Variants in PPME1 observed in about 807,000 individuals in gnomAD.
PPME1 encodes the protein protein phosphatase methylesterase 1.
In PPME1, 17 loss-of-function variants were observed where a neutral mutation model predicts 56.9. That is an observed-to-expected ratio of 0.30 (90% CI 0.20 to 0.45). The LOEUF (loss-of-function observed/expected upper bound fraction) is 0.45. Ranked by LOEUF, PPME1 falls within the 20% of genes least tolerant of loss-of-function variation. PPME1 has a pLI of 1.00. For synonymous variants in PPME1, 122 were observed against 156.2 expected, an observed-to-expected ratio of 0.78 and a Z score of 1.63; for missense variants, 357 against 483.2, an observed-to-expected ratio of 0.74 and a Z score of 2.45.
intron 12 of PPME1, 31 bp downstream of exon 12, chr11:74,251,049 A>T: frequency 6.4e-7 from 1 of 1,569,726 alleles, no homozygotes; most frequent in Non-Finnish European, 8.6e-7. Flanking sequence ...CTGTAAAAGG[A>T]CAACTGTGAG....
chr11:74,200,711 G>A (rs1858139395), intron 1 of PPME1, among the ~76,000 whole-genome samples: 1 of 152,004 alleles, frequency 6.6e-6, no homozygotes, highest in Non-Finnish European at 1.5e-5. Context: ...AAGGTGTTAG[G>A]GGTGTGCTAG....
At chr11:74,249,245 AGCTTT>A (rs1859590414) in intron 11 of PPME1, 1 of 152,232 alleles carries the variant, frequency 6.6e-6, no homozygotes, top group Admixed American at 6.5e-5. Flanking sequence ...TCCAAACCAC[AGCTTT>A]GCCAGCACTG....
intron 11 of PPME1, chr11:74,249,503 C>T (rs193066898): frequency 6.6e-6 from 1 of 152,340 alleles, no homozygotes; most frequent in Non-Finnish European, 1.5e-5. Context: ...TATACCTACT[C>T]TTCCAAAGAG....
In PPME1 at chr11:74,239,182, A is replaced by T; in HGVS notation, c.760A>T (p.Ile254Phe). ...PEGSKSIVEGIIEEEEEDEEG... is the reference protein window; with the variant it reads ...PEGSKSIVEGFIEEEEEDEEG... ...AGGCTCAAAATCTATAGTGGAAGGA[A>T]TCATAGAGGAAGAAGAAGAAGATGA... The change falls in exon 9 of 14, where the codon ATC becomes TTC. Residue 254 changes from isoleucine (I) to phenylalanine (F), a missense_variant. Physicochemically the swap from Ile to Phe is conservative, Grantham distance 21. Transcript: ENST00000328257. 1 of 1,613,728 alleles carries T rather than the reference A, an allele frequency of 6.2e-7. No individual in the cohort carries two copies. Among genetic ancestry groups the T allele is most frequent in the Middle Eastern group, 1.7e-4 (1 of 6,060 alleles).
intron 1 of PPME1, among the ~76,000 whole-genome samples, chr11:74,190,621 G>T (rs1040504261): frequency 2.0e-5 from 3 of 152,206 alleles, no homozygotes; most frequent in Non-Finnish European, 4.4e-5. Flanking sequence ...ACAGAAAATT[G>T]ATACCGAAGA....
rs1033828204 is a variant in PPME1, at chr11:74,210,221, T to C, written c.288+5776T>C. Among the ~76,000 whole-genome samples, 3 of 152,204 alleles carry C rather than the reference T, an allele frequency of 2.0e-5. No individual in the cohort carries two copies. In the South Asian group the frequency reaches 6.2e-4, roughly 32 times the overall value. On this transcript the variant is annotated intron_variant, in intron 3 of 13. Coordinates refer to ENST00000328257, the MANE Select transcript of PPME1 (RefSeq NM_016147.3). ...TCAGCATTAGAAAATATTATCAGTATGATTCACCTCTTACCTCACTTGATG... is the reference window on the plus strand; with the variant it reads ...TCAGCATTAGAAAATATTATCAGTACGATTCACCTCTTACCTCACTTGATG...
Position 74,224,891 on chromosome 11 carries a change from C to G in PPME1, c.347-314C>G, listed in dbSNP as rs543088746. Among the ~76,000 whole-genome samples, 15 of 150,886 alleles carry G rather than the reference C, an allele frequency of 9.9e-5. No homozygotes were observed. The East Asian group carries it at 2.5e-3, about 25-fold the overall frequency. Reference sequence around the variant, plus strand: ...GATATACAATCATGTCGTCTGCAAACAGGGACAATTTGACTTCCTCTTTTC... The same window carrying G: ...GATATACAATCATGTCGTCTGCAAAGAGGGACAATTTGACTTCCTCTTTTC... On this transcript the variant is annotated intron_variant, in intron 4 of 13. Transcript: ENST00000328257.
At chr11:74,200,984 C>CT (rs370003275) in intron 1 of PPME1, among the ~76,000 whole-genome samples, 2,566 of 147,102 alleles carry the variant, frequency 0.017, 70 homozygotes, top group African/African-American at 0.06. Flanking sequence ...TTTCTTTTTT[C>CT]TTTTTTTTTG....
At chr11:74,248,968 C>A (rs1314552135) in intron 11 of PPME1, 1 of 152,154 alleles carries the variant, frequency 6.6e-6, no homozygotes, top group Non-Finnish European at 1.5e-5. Flanking sequence ...TGAGTTTCTT[C>A]ATCTGTGAAA....
In PPME1 at chr11:74,253,676, A is replaced by C. The variant is rs1859762564; in HGVS notation, c.*166A>C. 1 of 751,620 alleles carries C rather than the reference A, an allele frequency of 1.3e-6. No individual in the cohort carries two copies. Among genetic ancestry groups the C allele is most frequent in the East Asian group, 2.7e-5 (1 of 37,682 alleles). 46.6% of individuals were successfully genotyped at this position (751,620 alleles called of 1,614,324 possible). A position where few individuals can be genotyped will look rare whatever the true frequency, so the allele number is the denominator to read the frequency against. ...ACCAACCTTTTCATGTATTCTGCCA[A>C]AAGCATTGTTTTCCAGGGCCCTTGA... On this transcript the variant is annotated 3_prime_UTR_variant, in exon 14 of 14. Transcript: ENST00000328257.
chr11:74,243,783 CTT>C (rs555052806), intron 9 of PPME1, among the ~76,000 whole-genome samples: 123 of 139,868 alleles, frequency 8.8e-4, no homozygotes, highest in African/African-American at 2.6e-3. Context: ...TTCTTTCTTT[CTT>C]TTTTTTTTTT....
intron 1 of PPME1, among the ~76,000 whole-genome samples, chr11:74,176,405 A>G (rs1004389946): frequency 3.3e-5 from 5 of 152,146 alleles, no homozygotes; most frequent in African/African-American, 9.7e-5. Flanking sequence ...AAATTGAGTT[A>G]CTAAAATAAT....
At chr11:74,238,216 C>T (rs1427864769) in intron 8 of PPME1, 3 of 150,812 alleles carry the variant, frequency 2.0e-5, no homozygotes, top group Non-Finnish European at 4.4e-5. Flanking sequence ...ACATGTGAAA[C>T]TTGGCACAAG....
intron 1 of PPME1, among the ~76,000 whole-genome samples, chr11:74,195,353 T>A (rs1857952942): frequency 6.6e-6 from 1 of 152,180 alleles, no homozygotes; most frequent in Non-Finnish European, 1.5e-5. Context: ...GCTTTGCCTG[T>A]TTTTGAACAC....
intron 1 of PPME1, among the ~76,000 whole-genome samples, chr11:74,186,551 A>G (rs972165117): frequency 6.6e-6 from 1 of 152,172 alleles, no homozygotes; most frequent in Non-Finnish European, 1.5e-5. Flanking sequence ...AAATGGGGAT[A>G]ATAATAGCTA....
intron 11 of PPME1, chr11:74,250,521 A>G (rs1287363210): frequency 6.3e-6 from 1 of 159,876 alleles, no homozygotes; most frequent in Non-Finnish European, 1.4e-5. Context: ...CTTGTATTCC[A>G]AGCCATTTCA....
rs370918133 is a variant in PPME1 at position 74,176,329 on chromosome 11, CT to C, written c.101+4810del. 3.7e-4 allele frequency among the ~76,000 whole-genome samples: 57 copies of C among 152,144 alleles called. No homozygotes were observed. In the Middle Eastern group the frequency reaches 0.01, roughly 27 times the overall value. On this transcript the variant is annotated intron_variant, in intron 1 of 13. Transcript: ENST00000328257. ...ATGGATATCAGGCCTCTTAGGAAGGCTTTAATGAGCTATTCACACAGATGGG... is the reference window on the plus strand; with the variant it reads ...ATGGATATCAGGCCTCTTAGGAAGGCTTAATGAGCTATTCACACAGATGGG...
Position 74,253,485 on chromosome 11 carries a change from T to C in PPME1, c.1143-7T>C, listed in dbSNP as rs776590092. ...TTGTTTTTCCTTCTCTTTCTGTTCTTCCACAGTGTGTTTCCTGGCTGTTAG... is the reference window on the plus strand; with the variant it reads ...TTGTTTTTCCTTCTCTTTCTGTTCTCCCACAGTGTGTTTCCTGGCTGTTAG... On this transcript the variant is annotated splice_region_variant and splice_polypyrimidine_tract_variant and intron_variant, in intron 13 of 13. Coordinates refer to ENST00000328257, the MANE Select transcript of PPME1 (RefSeq NM_016147.3). 4 of 1,606,272 alleles carry C rather than the reference T, an allele frequency of 2.5e-6. No homozygotes were observed. Among genetic ancestry groups the C allele is most frequent in the Non-Finnish European group, 3.4e-6 (4 of 1,172,980 alleles).
chr11:74,222,567 C>T (rs1858825923), intron 4 of PPME1, 198 bp downstream of exon 4: 1 of 520,586 alleles, frequency 1.9e-6, no homozygotes, highest in African/African-American at 2.0e-5. Flanking sequence ...CAGCTCACTG[C>T]AACCTCTGCC....
Sources: allele counts gnomAD v4.1 joint callset (sites outside exome capture counted in the v4.1 genomes callset), GRCh38; gene constraint gnomAD v4.1.1; transcripts MANE v1.5; gene names NCBI Gene and HGNC (gene_info 2026-07-23, HGNC 2026-07-21).